ESS2: variants seen among roughly 807,000 people sequenced by gnomAD.
ESS2 encodes the protein ess-2 spliceosome associated protein.
In ESS2, 31 loss-of-function variants were observed where a neutral mutation model predicts 52.0. The ratio of observed to expected loss-of-function variants is 0.60; its 90% CI spans 0.45 to 0.81. ESS2 has a LOEUF of 0.81. Among genes scored for constraint, ESS2 ranks in the 30% least tolerant of loss-of-function variants. The pLI, the probability that ESS2 is intolerant of heterozygous loss-of-function variation, is 0.00. For synonymous variants in ESS2, 285 were observed against 259.2 expected, an observed-to-expected ratio of 1.10 and a Z score of -0.95; for missense variants, 602 against 637.2, an observed-to-expected ratio of 0.94 and a Z score of 0.59.
chr22:19,142,547 G>A lies in ESS2; in HGVS notation c.391C>T (p.Leu131=), dbSNP rs760205239. The A allele has an allele frequency of 1.2e-5, 20 of 1,605,596 alleles. No individual in the cohort carries two copies. Among genetic ancestry groups the A allele is most frequent in the Non-Finnish European group, 1.7e-5 (20 of 1,176,784 alleles). ...GGGCACCCTCACTCACCATCCTCCA[G>A]GCCTCGGCCGCGGGGCCTGGGCTTG... ...GNKPRPRGRG[L]EDGEAGEEEE... is the part of the protein sequence containing the mutation. The change falls in exon 3 of 10, where the codon CTG becomes TTG. Residue 131 remains leucine (L), a synonymous_variant. Coordinates refer to ENST00000252137, the MANE Select transcript of ESS2 (RefSeq NM_022719.3).
rs775120811 is a variant in ESS2 at position 19,144,650 on chromosome 22, A to C, written c.-10T>G. On this transcript the variant is annotated 5_prime_UTR_variant, in exon 1 of 10. Coordinates refer to ENST00000252137, the MANE Select transcript of ESS2 (RefSeq NM_022719.3). ...CGCCCGGCGTCTCCATCGCTATCCC[A>C]GGAAAAAGCTCGGGCCCAGCAGGCG... The C allele has an allele frequency of 6.0e-6, 9 of 1,497,472 alleles. No homozygotes were observed. The highest frequency in any genetic ancestry group is 5.4e-6 in the Non-Finnish European group (6 of 1,117,028). The allele number at this position is 1,497,472 out of a possible 1,614,324, so 92.8% of individuals were successfully genotyped here.
chr22:19,139,691 G>A lies in ESS2; in HGVS notation c.609C>T (p.His203=). 6.2e-7 allele frequency: 1 copy of A among 1,614,208 alleles called. No homozygotes were observed. The highest frequency in any genetic ancestry group is 8.5e-7 in the Non-Finnish European group (1 of 1,180,030). ...TGGCCTGGCTGCTCTCGATGGCCTGGTGCTCTGCTGACGGGAGTTCGAGAT... is the reference window on the plus strand; with the variant it reads ...TGGCCTGGCTGCTCTCGATGGCCTGATGCTCTGCTGACGGGAGTTCGAGAT... The part of the protein sequence containing the change: ...KDNLELPSAE[H]QAIESSQASV... Residue 203 remains histidine, a synonymous_variant, in exon 5 of 10, where the codon CAC becomes CAT. Transcript: ENST00000252137.
rs1265970771 is a variant in ESS2, at chr22:19,143,771, G to C, written c.135+735C>G. 2.0e-5 allele frequency among the ~76,000 whole-genome samples: 3 copies of C among 152,182 alleles called. No homozygotes were observed. In the South Asian group the frequency reaches 6.2e-4, roughly 32 times the overall value. On this transcript the variant is annotated intron_variant, in intron 1 of 9. Transcript: ENST00000252137. ...CTCGGCAGGCTGAGGCAGGAGAATGGCTTGAACCCAGGAGGCAGAGGTTGG... is the reference window on the plus strand; with the variant it reads ...CTCGGCAGGCTGAGGCAGGAGAATGCCTTGAACCCAGGAGGCAGAGGTTGG...
chr22:19,138,263 G>A lies in ESS2; in HGVS notation c.877C>T (p.Pro293Ser). The change falls in exon 7 of 10, where the codon CCT becomes TCT. Residue 293 changes from proline to serine, a missense_variant. Pro to Ser is a moderately conservative substitution (Grantham distance 74). Coordinates refer to ENST00000252137, the MANE Select transcript of ESS2 (RefSeq NM_022719.3). The stretch of plus-strand genomic sequence containing the variant: ...ACAAATCCAAATCCACCCACTCGAG[G>A]GGACTCCTGGGGGATCAGCTCCTTG... ...DGKELIPQESPRVGGFGFVAT... is the reference protein window; with the variant it reads ...DGKELIPQESSRVGGFGFVAT... 6.2e-7 allele frequency: 1 copy of A among 1,613,986 alleles called. No homozygotes were observed. The highest frequency in any genetic ancestry group is 8.5e-7 in the Non-Finnish European group (1 of 1,179,942).
In ESS2 at chr22:19,132,840, G is replaced by A. The variant is rs2083524148; in HGVS notation, c.*1356C>T. 1 of 228,800 alleles carries A rather than the reference G, an allele frequency of 4.4e-6. No homozygotes were observed. The highest frequency in any genetic ancestry group is 6.4e-5 in the South Asian group (1 of 15,566). 14.2% of individuals were successfully genotyped at this position (228,800 alleles called of 1,614,324 possible). The stretch of plus-strand genomic sequence containing the variant: ...ATCACAGTGTGGCCTGGCCTTGTGG[G>A]GGACAAGAGGGCCTCTGCCAGGGTC... On this transcript the variant is annotated 3_prime_UTR_variant, in exon 10 of 10. Transcript: ENST00000252137. This position sits in a 1 kb window ranked among gnomAD's most constrained non-coding sequence, Gnocchi z 4.2.
At chr22:19,137,471 A>C in intron 7 of ESS2, 39 bp from the exon 8 acceptor site, 2 of 1,432,162 alleles carry the variant, frequency 1.4e-6, no homozygotes, top group Admixed American at 1.9e-5. Flanking sequence ...AGGCCAGAGG[A>C]CTCCCCACCA....
At chr22:19,135,837 G>C (rs1055202315) in intron 8 of ESS2, among the ~76,000 whole-genome samples, 4 of 151,482 alleles carry the variant, frequency 2.6e-5, no homozygotes, top group African/African-American at 9.7e-5. Context: ...AGACCAGCCT[G>C]AGCAAAATGA....
rs765409167 is a variant in ESS2 at position 19,139,844 on chromosome 22, C to T, written c.570+11G>A. The T allele has an allele frequency of 9.9e-6, 16 of 1,613,976 alleles. No homozygotes were observed. In the African/African-American group the frequency reaches 1.1e-4, roughly 11 times the overall value. On this transcript the variant is annotated intron_variant, in intron 4 of 9. Coordinates refer to ENST00000252137, the MANE Select transcript of ESS2 (RefSeq NM_022719.3). ...CCTACGCCTATGTGACACCCCAGAC[C>T]CCAGAGACACCTTCTCAAACTCTTC...
rs2083521207 is a variant in ESS2, at chr22:19,132,551, AAGT to A, written c.*1642_*1644del. 2 of 1,429,252 alleles carry A rather than the reference AAGT, an allele frequency of 1.4e-6. No homozygotes were observed. Among genetic ancestry groups the A allele is most frequent in the Admixed American group, 4.2e-5 (2 of 47,540 alleles). The allele number at this position is 1,429,252 out of a possible 1,614,324, so 88.5% of individuals were successfully genotyped here. On this transcript the variant is annotated 3_prime_UTR_variant, in exon 10 of 10. Coordinates refer to ENST00000252137, the MANE Select transcript of ESS2 (RefSeq NM_022719.3). This position sits in a 1 kb window ranked among gnomAD's most constrained non-coding sequence, Gnocchi z 4.2. ...GGTGCAGTCGGCCTTCACGTAAACT[AAGT>A]AGGCAGGTAGGATCTGAAGAAGGCA...
rs1195728748 is a variant in ESS2 at position 19,142,591 on chromosome 22, C to A, written c.347G>T (p.Gly116Val). 6.2e-7 allele frequency: 1 copy of A among 1,613,688 alleles called. No individual in the cohort carries two copies. Reference sequence around the variant, plus strand: ...GGGCTTGTTGCCCACCACTCCAGTGCCTGCATGCACCTCAGGGGTTTCAAA... The same window carrying A: ...GGGCTTGTTGCCCACCACTCCAGTGACTGCATGCACCTCAGGGGTTTCAAA... The part of the protein sequence containing the change: ...ATFETPEVHA[G>V]TGVVGNKPRP... Residue 116 changes from glycine (G) to valine (V), a missense_variant, in exon 3 of 10, where the codon GGC becomes GTC. Physicochemically the swap from Gly to Val is moderately radical, Grantham distance 109. Transcript: ENST00000252137.
At chr22:19,136,008 C>A (rs1157270875) in intron 8 of ESS2, among the ~76,000 whole-genome samples, 1 of 126,792 alleles carries the variant, frequency 7.9e-6, no homozygotes, top group Non-Finnish European at 1.6e-5. Context: ...CCAGCCTGGG[C>A]AACAGAGTGA....
In ESS2 at chr22:19,139,146, C is replaced by A. The variant is rs778937160; in HGVS notation, c.822+13G>T. 1.9e-6 allele frequency: 3 copies of A among 1,577,826 alleles called. No homozygotes were observed. The highest frequency in any genetic ancestry group is 2.6e-6 in the Non-Finnish European group (3 of 1,162,114). ...AACCTGGCCCATGCGGCCCTGCTGA[C>A]CCGCCTGCTCACCTGGGCATTGAGG... On this transcript the variant is annotated intron_variant, in intron 6 of 9. Transcript: ENST00000252137.
chr22:19,144,389 C>T, intron 1 of ESS2, 117 bp downstream of exon 1: 1 of 1,557,300 alleles, frequency 6.4e-7, no homozygotes, highest in East Asian at 2.3e-5. Context: ...CCGTCCACAC[C>T]CGGCTCCTCC....
intron 5 of ESS2, 55 bp from the exon 6 acceptor site, chr22:19,139,347 G>A: frequency 6.6e-7 from 1 of 1,513,988 alleles, no homozygotes; most frequent in East Asian, 2.4e-5. Flanking sequence ...AGCCTAAGGA[G>A]CATGAGGAGC....
intron 3 of ESS2, among the ~76,000 whole-genome samples, chr22:19,140,886 G>C (rs748850938): frequency 3.2e-4 from 49 of 152,224 alleles, no homozygotes; most frequent in Non-Finnish European, 5.6e-4. Context: ...CTGCCTTTCT[G>C]AGCCTCAGTT....
chr22:19,137,650 G>T (rs887401174), intron 7 of ESS2: 3 of 834,988 alleles, frequency 3.6e-6, no homozygotes, highest in Non-Finnish European at 4.3e-6. Flanking sequence ...AGGCCCTACA[G>T]CCATGTGCTT....
intron 3 of ESS2, among the ~76,000 whole-genome samples, chr22:19,141,716 G>A (rs1429700655): frequency 5.9e-5 from 9 of 152,178 alleles, no homozygotes; most frequent in South Asian, 2.1e-4. Context: ...GGCCAGGCGC[G>A]GTGGCTCACA....
In ESS2 at chr22:19,133,845, G is replaced by A. The variant is rs1172456623; in HGVS notation, c.*351C>T. 8.8e-6 allele frequency: 2 copies of A among 226,302 alleles called. No homozygotes were observed. Among genetic ancestry groups the A allele is most frequent in the Non-Finnish European group, 8.5e-6 (1 of 117,382 alleles). 14.0% of individuals were successfully genotyped at this position (226,302 alleles called of 1,614,324 possible). A position where few individuals can be genotyped will look rare whatever the true frequency, so the allele number is the denominator to read the frequency against. ...AGCTTCCTCACCTGGGGGGCCCCTCGCTTCAAGCCCCGCAGTCCTGAGACG... is the reference window on the plus strand; with the variant it reads ...AGCTTCCTCACCTGGGGGGCCCCTCACTTCAAGCCCCGCAGTCCTGAGACG... On this transcript the variant is annotated 3_prime_UTR_variant, in exon 10 of 10. Coordinates refer to ENST00000252137, the MANE Select transcript of ESS2 (RefSeq NM_022719.3).
At position 19,133,144 on chromosome 22, in the gene ESS2, C is replaced by T. The variant is rs1233349296; in HGVS notation, c.*1052G>A. The T allele has an allele frequency of 6.6e-6, 1 of 152,430 alleles. No individual in the cohort carries two copies. Among genetic ancestry groups the T allele is most frequent in the African/African-American group, 2.4e-5 (1 of 41,440 alleles). 9.4% of individuals were successfully genotyped at this position (152,430 alleles called of 1,614,324 possible). On this transcript the variant is annotated 3_prime_UTR_variant, in exon 10 of 10. Coordinates refer to ENST00000252137, the MANE Select transcript of ESS2 (RefSeq NM_022719.3). ...CGTGTGCCCTCCCCACCCAGTGGCTCTTCAAGCTGCTCAGCAGCCCTTGAT... is the reference window on the plus strand; with the variant it reads ...CGTGTGCCCTCCCCACCCAGTGGCTTTTCAAGCTGCTCAGCAGCCCTTGAT...
Sources: gnomAD v4.1 joint callset for allele counts (sites outside exome capture counted in the v4.1 genomes callset) on GRCh38, gnomAD v4.1.1 for gene constraint, Gnocchi (gnomAD v3.1) non-coding constraint, MANE v1.5 for transcripts, NCBI Gene and HGNC (gene_info 2026-07-23, HGNC 2026-07-21) for gene names.